POLA1: variants seen among roughly 807,000 people sequenced by gnomAD.
POLA1 encodes the protein DNA polymerase alpha 1, catalytic subunit.
Under a neutral mutation model 124.0 loss-of-function variants are expected in POLA1, and 15 were observed. That is an observed-to-expected ratio of 0.12 (90% CI 0.08 to 0.19). The LOEUF (loss-of-function observed/expected upper bound fraction) is 0.19, where lower values mean the gene tolerates loss of function less well. Among genes scored for constraint, POLA1 ranks in the 10% least tolerant of loss-of-function variants. The pLI is 1.00. For missense variants in POLA1, 886 were observed against 1,103.4 expected (o/e 0.80, Z 2.79); for synonymous variants, 408 against 389.4 (o/e 1.05, Z -0.56).
chrX:24,755,052 A>G (rs1249120828), intron 26 of POLA1, among the ~76,000 whole-genome samples: 1 of 112,426 alleles, frequency 8.9e-6, no homozygotes, highest in Non-Finnish European at 1.9e-5. Context: ...TCTCTGGTAT[A>G]TTTCTAGGAG....
At chrX:24,952,149 C>T (rs935915596) in intron 36 of POLA1, among the ~76,000 whole-genome samples, 1 of 112,104 alleles carries the variant, frequency 8.9e-6, no homozygotes, top group Admixed American at 9.4e-5. Context: ...ACATGGGGTC[C>T]ACCCTGATAC....
At chrX:24,814,693 C>T (rs1208063282) in intron 29 of POLA1, among the ~76,000 whole-genome samples, 1 of 111,540 alleles carries the variant, frequency 9.0e-6, no homozygotes. Flanking sequence ...GGAACACATG[C>T]TTTTCTTCAC....
chrX:24,815,170 G>T, intron 30 of POLA1, 59 bp downstream of exon 30: 1 of 1,014,864 alleles, frequency 9.9e-7, no homozygotes, highest in South Asian at 2.3e-5. Context: ...ACCTCCTTCA[G>T]ATAGTTGAAG....
At chrX:24,916,454 T>C (rs980291149) in intron 35 of POLA1, among the ~76,000 whole-genome samples, 1 of 109,891 alleles carries the variant, frequency 9.1e-6, no homozygotes, top group Non-Finnish European at 1.9e-5. Flanking sequence ...CTAATTTTTG[T>C]ATTATTAGTA....
chrX:24,747,937 T>C (rs1259795780), intron 24 of POLA1, among the ~76,000 whole-genome samples: 1 of 111,490 alleles, frequency 9.0e-6, no homozygotes, highest in African/African-American at 3.3e-5. Flanking sequence ...GGTTTCACCA[T>C]GTTAGCCAGG....
In POLA1 at chrX:24,717,440, C is replaced by T. The variant is rs1480539618; in HGVS notation, c.857C>T (p.Ala286Val). The T allele has an allele frequency of 1.7e-6, 2 of 1,211,404 alleles. No individual in the cohort carries two copies. Among genetic ancestry groups the T allele is most frequent in the Admixed American group, 2.2e-5 (1 of 46,036 alleles). Residue 286 changes from alanine to valine, a missense_variant, in exon 9 of 37, where the codon GCA (alanine) becomes GTA (valine). Coordinates refer to ENST00000379068, the MANE Select transcript of POLA1 (RefSeq NM_001330360.2). ...GCTTGGGACAAAGAGAGTGAGCCAG[C>T]AGAGGAAGTGAAACAAGAGGCGGAT... ...AKAWDKESEPAEEVKQEADSG... is the reference protein window; with the variant it reads ...AKAWDKESEPVEEVKQEADSG...
At chrX:24,967,835 A>T (rs1009821264) in intron 36 of POLA1, among the ~76,000 whole-genome samples, 3 of 111,335 alleles carry the variant, frequency 2.7e-5, no homozygotes, top group African/African-American at 9.8e-5. Context: ...GGGGTGAGTT[A>T]GCTGGGACCC....
chrX:24,752,634 A>G (rs1206487887), intron 26 of POLA1, among the ~76,000 whole-genome samples: 1 of 112,289 alleles, frequency 8.9e-6, no homozygotes, highest in African/African-American at 3.2e-5. Context: ...GAGATCATTA[A>G]TCAATTAAGG....
intron 26 of POLA1, among the ~76,000 whole-genome samples, chrX:24,778,663 T>G (rs1434555510): frequency 1.2e-4 from 13 of 112,290 alleles, no homozygotes; most frequent in Non-Finnish European, 1.9e-5. Flanking sequence ...TTCCCTATGC[T>G]CTGGGCACTA....
chrX:24,734,917 C>T (rs748488515), intron 17 of POLA1, among the ~76,000 whole-genome samples: 1 of 111,963 alleles, frequency 8.9e-6, no homozygotes, highest in East Asian at 2.8e-4. Context: ...CGCCCAGCCA[C>T]TTATAATTCT....
intron 36 of POLA1, among the ~76,000 whole-genome samples, chrX:24,940,360 G>A (rs2047897909): frequency 9.0e-6 from 1 of 111,507 alleles, no homozygotes; most frequent in African/African-American, 3.3e-5. Context: ...CAATCTAGAG[G>A]CTCTGCTTTA....
At position 24,973,739 on chromosome X, in the gene POLA1, GCC is replaced by G. The variant is rs1390327498; in HGVS notation, c.4262-22065_4262-22064del. Among the ~76,000 whole-genome samples the G allele has an allele frequency of 1.3e-4, 14 of 111,763 alleles. No individual in the cohort carries two copies. In the Admixed American group the frequency reaches 1.3e-3, roughly 11 times the overall value. On this transcript the variant is annotated intron_variant, in intron 36 of 36. Coordinates refer to ENST00000379068, the MANE Select transcript of POLA1 (RefSeq NM_001330360.2). ...ACCATGGTCGGGAGTCTTCCTGGGA[GCC>G]ACTGACTTTCTTTGGCGACCATCTA...
At chrX:24,871,354 A>G (rs1181911457) in intron 34 of POLA1, among the ~76,000 whole-genome samples, 3 of 111,768 alleles carry the variant, frequency 2.7e-5, no homozygotes, top group Non-Finnish European at 5.6e-5. Context: ...AAGTTCCCAA[A>G]TGATGCTGAT....
intron 32 of POLA1, among the ~76,000 whole-genome samples, chrX:24,833,745 C>T (rs1054516291): frequency 8.9e-6 from 1 of 111,750 alleles, no homozygotes; most frequent in Non-Finnish European, 1.9e-5. Flanking sequence ...ATTTTATATT[C>T]CAAATATATT....
At chrX:24,950,308 C>T (rs1259654199) in intron 36 of POLA1, among the ~76,000 whole-genome samples, 1 of 111,657 alleles carries the variant, frequency 9.0e-6, no homozygotes, top group African/African-American at 3.3e-5. Context: ...GCCTCTAGCC[C>T]CACATGTAGC....
chrX:24,910,080 T>G (rs1468853633), intron 35 of POLA1, among the ~76,000 whole-genome samples: 3 of 108,889 alleles, frequency 2.8e-5, no homozygotes, highest in Non-Finnish European at 5.7e-5. Flanking sequence ...TTTTGCACAT[T>G]GATTTTGTAT....
chrX:24,973,719 G>A (rs1285339586), intron 36 of POLA1, among the ~76,000 whole-genome samples: 1 of 111,677 alleles, frequency 9.0e-6, no homozygotes, highest in Admixed American at 9.4e-5. Flanking sequence ...CTCCCACCAT[G>A]GTCGGGAGTC....
At chrX:24,708,372 CTTTTTTTT>C (rs397799733) in intron 4 of POLA1, among the ~76,000 whole-genome samples, 1 of 80,054 alleles carries the variant, frequency 1.2e-5, no homozygotes, top group Non-Finnish European at 2.4e-5. Context: ...CATGAAAATA[CTTTTTTTT>C]TTTTTTTTTT....
intron 34 of POLA1, among the ~76,000 whole-genome samples, chrX:24,857,618 A>G: frequency 9.0e-6 from 1 of 111,565 alleles, no homozygotes; most frequent in Middle Eastern, 4.8e-3. Context: ...ATGTTTTGTT[A>G]GATTTATATA....
Sources: gnomAD v4.1 joint callset for allele counts (sites outside exome capture counted in the v4.1 genomes callset) on GRCh38, gnomAD v4.1.1 for gene constraint, MANE v1.5 for transcripts, NCBI Gene and HGNC (gene_info 2026-07-23, HGNC 2026-07-21) for gene names.